DLG2: variants seen among roughly 807,000 people sequenced by gnomAD.
DLG2 encodes discs large MAGUK scaffold protein 2.
In DLG2, 45 loss-of-function variants were observed where a neutral mutation model predicts 132.5. The observed-to-expected ratio is 0.34, with a 90% CI of 0.27 to 0.44. The LOEUF (loss-of-function observed/expected upper bound fraction) is 0.44, where lower values mean the gene tolerates loss of function less well. Among genes scored for constraint, DLG2 ranks in the 20% least tolerant of loss-of-function variants. DLG2 has a pLI of 1.00. For synonymous variants in DLG2, 424 were observed against 419.6 expected (o/e 1.01, Z -0.13); for missense variants, 1,045 against 1,196.9 (o/e 0.87, Z 1.87).
At chr11:83,845,409 G>T (rs1399495916) in intron 16 of DLG2, among the ~76,000 whole-genome samples, 2 of 152,154 alleles carry the variant, frequency 1.3e-5, no homozygotes, top group African/African-American at 2.4e-5. Flanking sequence ...TAGCTCCTCA[G>T]AAGGATGCAG....
chr11:85,204,474 C>G (rs2081718377), intron 4 of DLG2, among the ~76,000 whole-genome samples: 1 of 151,864 alleles, frequency 6.6e-6, no homozygotes, highest in Non-Finnish European at 1.5e-5. Flanking sequence ...ATAAATTTAA[C>G]CAAAGAAGTG....
At chr11:85,397,001 G>T (rs766887200) in intron 3 of DLG2, among the ~76,000 whole-genome samples, 2 of 152,058 alleles carry the variant, frequency 1.3e-5, no homozygotes, top group African/African-American at 4.8e-5. Flanking sequence ...TTGAAATAAA[G>T]GAAAAAATAT....
chr11:85,461,879 G>T (rs1342005038), intron 3 of DLG2, among the ~76,000 whole-genome samples: 1 of 152,094 alleles, frequency 6.6e-6, no homozygotes, highest in East Asian at 1.9e-4. Flanking sequence ...TACAGAATGG[G>T]AGAAAAATTT....
At chr11:85,054,213 C>T (rs1054279208) in intron 6 of DLG2, among the ~76,000 whole-genome samples, 3 of 150,540 alleles carry the variant, frequency 2.0e-5, no homozygotes, top group East Asian at 2.0e-4. Flanking sequence ...TGCAGTGAGC[C>T]GAGATCATAC....
Position 85,154,536 on chromosome 11 carries a change from G to T in DLG2, c.282+20C>A. The T allele has an allele frequency of 8.1e-7, 1 of 1,236,324 alleles. No homozygotes were observed. The highest frequency in any genetic ancestry group is 1.1e-6 in the Non-Finnish European group (1 of 870,826). 76.6% of individuals were successfully genotyped at this position (1,236,324 alleles called of 1,614,324 possible). On this transcript the variant is annotated intron_variant, in intron 5 of 27. Coordinates refer to ENST00000376104, the MANE Select transcript of DLG2 (RefSeq NM_001142699.3). ...TTACCCATGAAGCCTAGTAAGAAAA[G>T]AAAACAGTATAACACTTACAGTTGT... is the stretch of plus-strand genomic sequence containing the variant.
At chr11:85,293,746 G>A (rs1023952082) in intron 3 of DLG2, among the ~76,000 whole-genome samples, 6 of 152,134 alleles carry the variant, frequency 3.9e-5, no homozygotes, top group African/African-American at 1.4e-4. Flanking sequence ...AGACATTATG[G>A]AGACAACTGC....
intron 6 of DLG2, among the ~76,000 whole-genome samples, chr11:85,094,684 G>A (rs141967871): frequency 3.3e-5 from 5 of 152,360 alleles, no homozygotes; most frequent in African/African-American, 7.2e-5. Context: ...TTAAGGGAAT[G>A]TTGTGGCTGT....
chr11:83,608,414 C>A (rs987446952), intron 19 of DLG2, among the ~76,000 whole-genome samples: 1 of 151,534 alleles, frequency 6.6e-6, no homozygotes, highest in African/African-American at 2.4e-5. Context: ...TCAAATTACT[C>A]CACAATGAGC....
chr11:84,426,903 G>T (rs911581263), intron 7 of DLG2, among the ~76,000 whole-genome samples: 7 of 151,992 alleles, frequency 4.6e-5, no homozygotes, highest in Admixed American at 3.3e-4. Flanking sequence ...CTGGGAGCAG[G>T]GGGACAATAT....
intron 3 of DLG2, among the ~76,000 whole-genome samples, chr11:85,585,162 T>C (rs1318154009): frequency 6.6e-6 from 1 of 152,198 alleles, no homozygotes; most frequent in Non-Finnish European, 1.5e-5. Context: ...TTGATCCATC[T>C]TGAGTGGATT....
intron 3 of DLG2, among the ~76,000 whole-genome samples, chr11:85,504,526 TGTGTG>T (rs2093882037): frequency 6.6e-6 from 1 of 152,196 alleles, no homozygotes; most frequent in African/African-American, 2.4e-5. Flanking sequence ...TGGTTGTAGA[TGTGTG>T]GTATTATTTC....
intron 3 of DLG2, among the ~76,000 whole-genome samples, chr11:85,559,190 C>T (rs1444067323): frequency 6.7e-6 from 1 of 148,516 alleles, no homozygotes; most frequent in East Asian, 2.0e-4. Flanking sequence ...CTTGCTCTGT[C>T]ACCCAGGCTG....
intron 4 of DLG2, among the ~76,000 whole-genome samples, chr11:85,250,856 GA>G (rs768809261): frequency 6.6e-6 from 1 of 151,812 alleles, no homozygotes; most frequent in Non-Finnish European, 1.5e-5. Flanking sequence ...TGTAAGATTT[GA>G]AAAAAATATA....
chr11:84,958,115 G>T (rs939989853), intron 6 of DLG2, among the ~76,000 whole-genome samples: 2 of 152,154 alleles, frequency 1.3e-5, no homozygotes, highest in African/African-American at 4.8e-5. Flanking sequence ...AGCATAGAAT[G>T]CACCCAATAT....
At chr11:83,653,881 C>T (rs1157595269) in intron 18 of DLG2, among the ~76,000 whole-genome samples, 2 of 152,028 alleles carry the variant, frequency 1.3e-5, no homozygotes, top group Non-Finnish European at 2.9e-5. Context: ...CACCACCACA[C>T]CTAGCTAATA....
At chr11:85,187,575 A>G (rs1308322858) in intron 4 of DLG2, among the ~76,000 whole-genome samples, 1 of 152,188 alleles carries the variant, frequency 6.6e-6, no homozygotes, top group Admixed American at 6.6e-5. Context: ...AATGACCAAA[A>G]GTGTACAACA....
intron 8 of DLG2, among the ~76,000 whole-genome samples, chr11:84,230,235 A>G (rs2154335332): frequency 6.6e-6 from 1 of 152,206 alleles, no homozygotes; most frequent in South Asian, 2.1e-4. Context: ...CTAAGATACA[A>G]CCTACTAGGA....
intron 3 of DLG2, among the ~76,000 whole-genome samples, chr11:85,506,018 T>C (rs1362439061): frequency 2.0e-5 from 3 of 152,342 alleles, no homozygotes; most frequent in Non-Finnish European, 2.9e-5. Flanking sequence ...GAGGTGTTTA[T>C]AGTATTCTCT....
At chr11:85,448,525 C>A (rs1457023915) in intron 3 of DLG2, among the ~76,000 whole-genome samples, 1 of 152,150 alleles carries the variant, frequency 6.6e-6, no homozygotes, top group Non-Finnish European at 1.5e-5. Context: ...TATAAAGTAT[C>A]ATCACAACCC....
Sources: allele counts gnomAD v4.1 joint callset (sites outside exome capture counted in the v4.1 genomes callset), GRCh38; gene constraint gnomAD v4.1.1; transcripts MANE v1.5; gene names NCBI Gene and HGNC (gene_info 2026-07-23, HGNC 2026-07-21).